The following KDM5A variants were observed in gnomAD, a reference collection of about 807,000 sequenced individuals.
KDM5A encodes the protein lysine-specific demethylase 5A.
KDM5A carries 42 observed loss-of-function variants against 193.5 expected under a neutral mutation model. The observed-to-expected ratio is 0.22, with a 90% CI of 0.17 to 0.28. KDM5A has a LOEUF of 0.28. KDM5A is among the 10% of genes least tolerant of loss of function. KDM5A has a pLI of 1.00. For synonymous variants in KDM5A, 796 were observed against 718.1 expected (o/e 1.11, Z -1.73); for missense variants, 1,692 against 2,055.1 (o/e 0.82, Z 3.42).
chr12:350,815 C>T (rs1591926387), intron 9 of KDM5A, 36 bp from the exon 10 acceptor site: 3 of 1,568,924 alleles, frequency 1.9e-6, no homozygotes, highest in Non-Finnish European at 2.6e-6. Context: ...AATTATTAAA[C>T]CACTATAACT....
rs1295826631 is a variant in KDM5A at position 282,167 on chromosome 12, T to TA, written c.*3288dup. ...ACCTTACAGCTTAGCCTCTGTCCTT[T>TA]AAAAAAAGAGAGAGACAGACAGACA... On this transcript the variant is annotated 3_prime_UTR_variant, in exon 28 of 28. Transcript: ENST00000399788. 1.6e-5 allele frequency: 4 copies of TA among 252,222 alleles called. No homozygotes were observed. The highest frequency in any genetic ancestry group is 4.4e-5 in the African/African-American group (2 of 45,456). The allele number at this position is 252,222 out of a possible 1,614,324, so 15.6% of individuals were successfully genotyped here.
At chr12:354,570 A>G (rs1276813717) in intron 7 of KDM5A, among the ~76,000 whole-genome samples, 1 of 152,180 alleles carries the variant, frequency 6.6e-6, no homozygotes, top group African/African-American at 2.4e-5. Context: ...GATTGAGACC[A>G]TCCTGGCTAA....
At chr12:378,236 T>A (rs1401594800) in intron 3 of KDM5A, among the ~76,000 whole-genome samples, 1 of 151,216 alleles carries the variant, frequency 6.6e-6, no homozygotes, top group African/African-American at 2.4e-5. Flanking sequence ...GGAATGGGGG[T>A]GGAGATGAAG....
At chr12:303,475 A>G (rs1421490470) in intron 24 of KDM5A, among the ~76,000 whole-genome samples, 1 of 152,202 alleles carries the variant, frequency 6.6e-6, no homozygotes, top group African/African-American at 2.4e-5. Context: ...GAACATATGG[A>G]CACAGGGAGG....
chr12:319,467 A>AC, intron 18 of KDM5A, among the ~76,000 whole-genome samples: 1 of 152,334 alleles, frequency 6.6e-6, no homozygotes, highest in Non-Finnish European at 1.5e-5. Flanking sequence ...CACTTGGTTC[A>AC]TTAAAAGGCG....
At chr12:364,476 C>CA (rs1223229454) in intron 4 of KDM5A, among the ~76,000 whole-genome samples, 176 of 107,182 alleles carry the variant, frequency 1.6e-3, no homozygotes, top group Middle Eastern at 8.9e-3. Flanking sequence ...GATTCCACCT[C>CA]AAAAAAAAAA....
At position 307,308 on chromosome 12, in the gene KDM5A, A is replaced by G. The variant is rs1943519499; in HGVS notation, c.3930+146T>C. ...TAAGTACGTATCCAAAAAAAGTGCT[A>G]TAGTGTATGTTGAAGGAGAATGCAA... is the stretch of plus-strand genomic sequence containing the variant. On this transcript the variant is annotated intron_variant, in intron 23 of 27. Coordinates refer to ENST00000399788, the MANE Select transcript of KDM5A (RefSeq NM_001042603.3). The surrounding 1 kb of genome is among the most constrained non-coding windows in gnomAD (Gnocchi z 4.3). 2.0e-6 allele frequency: 2 copies of G among 1,004,066 alleles called. No individual in the cohort carries two copies. The highest frequency in any genetic ancestry group is 2.6e-5 in the East Asian group (1 of 38,996). The allele number at this position is 1,004,066 out of a possible 1,614,324, so 62.2% of individuals were successfully genotyped here.
chr12:297,064 G>A lies in KDM5A; in HGVS notation c.4211C>T (p.Ser1404Phe), dbSNP rs2137372057. ...ACCTTGAGAACAACTCTTAGAAGCA[G>A]AAGAATAAGCATGCTCTGCACAAAA... ...PSFCAEHAYS[S>F]ASKSCSQGSS... Residue 1404 changes from serine to phenylalanine, a missense_variant, in exon 25 of 28, where the codon TCT (serine) becomes TTT (phenylalanine). Physicochemically the swap from Ser to Phe is radical, Grantham distance 155. Coordinates refer to ENST00000399788, the MANE Select transcript of KDM5A (RefSeq NM_001042603.3). The A allele has an allele frequency of 6.2e-7, 1 of 1,614,000 alleles. No individual in the cohort carries two copies.
chr12:358,736 G>A (rs905485489), intron 5 of KDM5A, among the ~76,000 whole-genome samples: 5 of 152,188 alleles, frequency 3.3e-5, no homozygotes, highest in Non-Finnish European at 7.3e-5. Flanking sequence ...CACTTTGGGA[G>A]GCTGAGGCGG....
chr12:286,776 T>A (rs1943224381), intron 27 of KDM5A, among the ~76,000 whole-genome samples: 3 of 152,196 alleles, frequency 2.0e-5, no homozygotes. Context: ...AAAACCACAG[T>A]AGTCACGTCA....
At chr12:337,129 G>A (rs1332407713) in intron 10 of KDM5A, among the ~76,000 whole-genome samples, 2 of 152,146 alleles carry the variant, frequency 1.3e-5, no homozygotes, top group South Asian at 4.1e-4. Flanking sequence ...GGCAACTCCC[G>A]CTTCTCTCTC....
At chr12:299,810 A>AG in intron 24 of KDM5A, among the ~76,000 whole-genome samples, 1 of 152,042 alleles carries the variant, frequency 6.6e-6, no homozygotes, top group Non-Finnish European at 1.5e-5. Flanking sequence ...CTTACTCACA[A>AG]AGACGCACAT....
At position 320,998 on chromosome 12, in the gene KDM5A, T is replaced by C; in HGVS notation, c.2538A>G (p.Val846=). 1.9e-6 allele frequency: 3 copies of C among 1,609,044 alleles called. No homozygotes were observed. The highest frequency in any genetic ancestry group is 2.6e-6 in the Non-Finnish European group (3 of 1,175,336). Residue 846 remains valine, a synonymous_variant, in exon 18 of 28, where the codon GTA becomes GTG. Coordinates refer to ENST00000399788, the MANE Select transcript of KDM5A (RefSeq NM_001042603.3). ...AAAAAAGGATGTAATACTCCACCTT[T>C]ACTTGCCGAGCTTGGCTGATGACAC... ...LPCVISQARQ[V]KNLLDDVEEF...
At chr12:357,188 G>A (rs1311162007) in intron 5 of KDM5A, among the ~76,000 whole-genome samples, 1 of 152,022 alleles carries the variant, frequency 6.6e-6, no homozygotes, top group Non-Finnish European at 1.5e-5. Flanking sequence ...GGCTGAGGCT[G>A]GAGATCACTT....
At chr12:335,616 A>G (rs1357872080) in intron 10 of KDM5A, among the ~76,000 whole-genome samples, 1 of 152,214 alleles carries the variant, frequency 6.6e-6, no homozygotes, top group Non-Finnish European at 1.5e-5. Flanking sequence ...TAAAAATAAA[A>G]AACCCTCAAG....
At chr12:371,540 TC>T (rs1944427934) in intron 3 of KDM5A, among the ~76,000 whole-genome samples, 1 of 152,348 alleles carries the variant, frequency 6.6e-6, no homozygotes, top group Non-Finnish European at 1.5e-5. Context: ...AAAAATTTTC[TC>T]CCCTTCTGTA....
Position 307,583 on chromosome 12 carries a change from A to C in KDM5A, c.3801T>G (p.Asp1267Glu), listed in dbSNP as rs1323131795. 1 of 1,614,100 alleles carries C rather than the reference A, an allele frequency of 6.2e-7. No individual in the cohort carries two copies. Among genetic ancestry groups the C allele is most frequent in the Non-Finnish European group, 8.5e-7 (1 of 1,179,998 alleles). Reference protein sequence around the residue: ...QDRARQALATDELSSALAKLS... With the variant: ...QDRARQALATEELSSALAKLS... ...GTTTGGCCAGGGCAGAGGATAGTTC[A>C]TCTGTGGCTAGAGCCTGCCGCGCTC... The change falls in exon 23 of 28, where the codon GAT (aspartate) becomes GAG (glutamate). Residue 1267 changes from aspartate (D) to glutamate (E), a missense_variant. Physicochemically the swap from Asp to Glu is conservative, Grantham distance 45 (BLOSUM62 2). Around this residue, in one of 11 missense-constraint regions of KDM5A, gnomAD observed 965 missense variants for 1,061.0 expected, o/e 0.91. Coordinates refer to ENST00000399788, the MANE Select transcript of KDM5A (RefSeq NM_001042603.3). This position sits in a 1 kb window ranked among gnomAD's most constrained non-coding sequence, Gnocchi z 4.3.
At chr12:365,875 G>A in intron 4 of KDM5A, 59 bp downstream of exon 4, 1 of 1,567,596 alleles carries the variant, frequency 6.4e-7, no homozygotes. Flanking sequence ...ACAGTCTAAA[G>A]TTTGTACTTG....
intron 3 of KDM5A, among the ~76,000 whole-genome samples, chr12:368,924 A>G (rs1944390142): frequency 6.6e-6 from 1 of 152,218 alleles, no homozygotes; most frequent in African/African-American, 2.4e-5. Flanking sequence ...TATATTACAA[A>G]TGTCTATGAG....
Sources: gnomAD v4.1 joint callset for allele counts (sites outside exome capture counted in the v4.1 genomes callset) on GRCh38, gnomAD v4.1.1 for gene constraint, gnomAD v4.1.1 regional missense constraint, Gnocchi (gnomAD v3.1) non-coding constraint, MANE v1.5 for transcripts, NCBI Gene and HGNC (gene_info 2026-07-23, HGNC 2026-07-21) for gene names.